Variants in UBE3D observed in about 807,000 individuals in gnomAD.
UBE3D encodes the protein ubiquitin protein ligase E3D.
Under a neutral mutation model 49.6 loss-of-function variants are expected in UBE3D, and 48 were observed. The observed-to-expected ratio is 0.97, with a 90% confidence interval of 0.77 to 1.23. UBE3D has a LOEUF of 1.23. Among genes scored for constraint, UBE3D ranks in the 50% most tolerant of loss-of-function variants. The pLI is 0.00. For synonymous variants in UBE3D, 189 were observed against 174.2 expected, an observed-to-expected ratio of 1.08 and a Z score of -0.67; for missense variants, 452 against 468.4, an observed-to-expected ratio of 0.96 and a Z score of 0.32.
chr6:82,894,075 T>C (rs1301512929), intron 9 of UBE3D: 1 of 152,152 alleles, frequency 6.6e-6, no homozygotes, highest in Non-Finnish European at 1.5e-5. Context: ...AGAGGAAAGG[T>C]TGATTCCTAA....
intron 8 of UBE3D, among the ~76,000 whole-genome samples, chr6:83,004,072 TA>T (rs1562174071): frequency 6.6e-6 from 1 of 152,206 alleles, no homozygotes; most frequent in Non-Finnish European, 1.5e-5. Flanking sequence ...ATTGGACTTC[TA>T]AAGAAAACCA....
At chr6:82,945,089 T>C (rs990504876) in intron 9 of UBE3D, among the ~76,000 whole-genome samples, 2 of 152,206 alleles carry the variant, frequency 1.3e-5, no homozygotes, top group African/African-American at 2.4e-5. Flanking sequence ...CAACTGCTGA[T>C]AGTAGAGCCC....
chr6:82,892,329 C>G (rs1221506783), downstream of UBE3D: 1 of 153,894 alleles, frequency 6.5e-6, no homozygotes, highest in East Asian at 1.9e-4. Flanking sequence ...GTAGCTCTAT[C>G]CTTCTCACTG....
At chr6:82,945,464 A>C (rs1355375579) in intron 9 of UBE3D, among the ~76,000 whole-genome samples, 1 of 152,220 alleles carries the variant, frequency 6.6e-6, no homozygotes, top group East Asian at 1.9e-4. Context: ...CAGTCTCCTA[A>C]TACAGATATG....
chr6:82,922,758 C>T (rs1240301099), intron 9 of UBE3D, among the ~76,000 whole-genome samples: 1 of 152,138 alleles, frequency 6.6e-6, no homozygotes, highest in Non-Finnish European at 1.5e-5. Flanking sequence ...GTAAAAGAAA[C>T]AATCATCAGA....
intron 8 of UBE3D, among the ~76,000 whole-genome samples, chr6:83,000,240 C>G (rs1421189306): frequency 6.6e-6 from 1 of 152,160 alleles, no homozygotes; most frequent in East Asian, 1.9e-4. Flanking sequence ...TATTTGAACC[C>G]CAGGTCTATA....
At chr6:82,963,186 T>C (rs1034028857) in intron 8 of UBE3D, among the ~76,000 whole-genome samples, 3 of 148,654 alleles carry the variant, frequency 2.0e-5, no homozygotes, top group Non-Finnish European at 3.0e-5. Context: ...GGTAAAGTTT[T>C]CATCTTTTTT....
At chr6:82,918,294 A>AC (rs1773075076) in intron 9 of UBE3D, among the ~76,000 whole-genome samples, 1 of 151,932 alleles carries the variant, frequency 6.6e-6, no homozygotes, top group African/African-American at 2.4e-5. Flanking sequence ...CAACAACAAA[A>AC]AAAAAACAAA....
chr6:82,887,398 T>TGTTTTGTTTTGTTTTG (rs1562053903), downstream of UBE3D, among the ~76,000 whole-genome samples: 333 of 145,622 alleles, frequency 2.3e-3, 5 homozygotes, highest in African/African-American at 8.0e-3. Flanking sequence ...AGTTTTTTTT[T>TGTTTTGTTTTGTTTTG]TTTTTTTTTT....
Position 82,991,023 on chromosome 6 carries a change from C to T in UBE3D, c.1010+27950G>A, listed in dbSNP as rs1255242937. ...GGCCGGATGGGGGATAGGGTTACTG[C>T]TTCCAAGATGGTACCTTCACAGGGC... On this transcript the variant is annotated intron_variant, in intron 8 of 9. Transcript: ENST00000369747. Among the ~76,000 whole-genome samples, 19 of 152,178 alleles carry T rather than the reference C, an allele frequency of 1.2e-4. No individual in the cohort carries two copies. In the East Asian group the frequency reaches 3.7e-3, roughly 29 times the overall value.
At chr6:82,922,819 T>G (rs1276675124) in intron 9 of UBE3D, among the ~76,000 whole-genome samples, 1 of 152,206 alleles carries the variant, frequency 6.6e-6, no homozygotes, top group Non-Finnish European at 1.5e-5. Context: ...TCTATCCATC[T>G]GACAAAGGGC....
At chr6:82,986,470 C>CA (rs58841514) in intron 8 of UBE3D, among the ~76,000 whole-genome samples, 868 of 34,808 alleles carry the variant, frequency 0.025, 117 homozygotes, top group East Asian at 0.086. Context: ...CACTCTGTCT[C>CA]AAAAAAAAAA....
At chr6:83,061,186 G>C (rs1183330345) in intron 1 of UBE3D, among the ~76,000 whole-genome samples, 2 of 152,182 alleles carry the variant, frequency 1.3e-5, no homozygotes, top group Non-Finnish European at 2.9e-5. Flanking sequence ...CAAATGGAAG[G>C]ATATTCTACA....
intron 5 of UBE3D, among the ~76,000 whole-genome samples, chr6:83,033,445 C>T (rs1782022364): frequency 6.6e-6 from 1 of 152,090 alleles, no homozygotes. Context: ...GAATTGTAAT[C>T]CCTAATGTTG....
intron 5 of UBE3D, chr6:83,038,152 C>T (rs1458752787): frequency 1.5e-5 from 4 of 272,868 alleles, no homozygotes; most frequent in Non-Finnish European, 1.3e-5. Context: ...TATACTATTG[C>T]TTTATATCTA....
intron 9 of UBE3D, among the ~76,000 whole-genome samples, chr6:82,948,801 C>T (rs1489311562): frequency 6.6e-6 from 1 of 151,828 alleles, no homozygotes; most frequent in Non-Finnish European, 1.5e-5. Flanking sequence ...GCTAAAAATG[C>T]ATCTGGAAAA....
At chr6:82,918,299 A>C (rs1461784645) in intron 9 of UBE3D, among the ~76,000 whole-genome samples, 2 of 151,382 alleles carry the variant, frequency 1.3e-5, no homozygotes, top group Admixed American at 6.6e-5. Context: ...ACAAAAAAAA[A>C]ACAAAAAAAT....
intron 8 of UBE3D, among the ~76,000 whole-genome samples, chr6:82,994,806 G>A (rs1024938800): frequency 4.6e-5 from 7 of 152,156 alleles, no homozygotes; most frequent in African/African-American, 1.7e-4. Flanking sequence ...GCCATTGGTA[G>A]ACATACACAT....
chr6:82,911,728 T>TG (rs968037547), intron 9 of UBE3D, among the ~76,000 whole-genome samples: 8 of 152,182 alleles, frequency 5.3e-5, no homozygotes, highest in African/African-American at 1.7e-4. Context: ...TTTTCCCCAA[T>TG]GAAGGTGAGG....
Sources: allele counts gnomAD v4.1 joint callset (sites outside exome capture counted in the v4.1 genomes callset), GRCh38; gene constraint gnomAD v4.1.1; transcripts MANE v1.5; gene names NCBI Gene and HGNC (gene_info 2026-07-23, HGNC 2026-07-21).